Variants in RAB10 observed in about 807,000 individuals in gnomAD.
RAB10 encodes RAB10, member RAS oncogene family.
A neutral mutation model predicts 25.7 loss-of-function variants in RAB10; 5 were observed. The observed-to-expected ratio is 0.19, with a 90% CI of 0.10 to 0.41. The LOEUF (loss-of-function observed/expected upper bound fraction) is 0.41, where lower values mean the gene tolerates loss of function less well. Ranked by LOEUF, RAB10 falls within the 10% of genes least tolerant of loss-of-function variation. The pLI, the probability that RAB10 is intolerant of heterozygous loss-of-function variation, is 1.00. For missense variants in RAB10, 103 were observed against 245.8 expected (o/e 0.42, Z 3.89); for synonymous variants, 89 against 86.4 (o/e 1.03, Z -0.16).
At chr2:26,125,375 T>C (rs1242650154) in intron 3 of RAB10, among the ~76,000 whole-genome samples, 1 of 152,066 alleles carries the variant, frequency 6.6e-6, no homozygotes, top group Non-Finnish European at 1.5e-5. Context: ...TCTATTCATG[T>C]GCATATTGTT....
chr2:26,088,555 T>C (rs920234592), intron 1 of RAB10, among the ~76,000 whole-genome samples: 1 of 152,072 alleles, frequency 6.6e-6, no homozygotes, highest in Non-Finnish European at 1.5e-5. Context: ...CTATTGACTT[T>C]CCTCTCATCT....
rs375894538 is a variant in RAB10 at position 26,119,835 on chromosome 2, T to C, written c.328-7309T>C. ...TGCCCAGCAGGCTTACTTTCAAATA[T>C]ATTTTTGAGCTAGAATTATATTTAT... is the stretch of plus-strand genomic sequence containing the variant. On this transcript the variant is annotated intron_variant, in intron 3 of 5. Transcript: ENST00000264710. Among the ~76,000 whole-genome samples the C allele has an allele frequency of 3.6e-4, 55 of 152,332 alleles. No homozygotes were observed. In the South Asian group the frequency reaches 8.3e-3, roughly 23 times the overall value.
chr2:26,123,042 A>C (rs1667838010), intron 3 of RAB10, among the ~76,000 whole-genome samples: 1 of 152,140 alleles, frequency 6.6e-6, no homozygotes, highest in Admixed American at 6.5e-5. Flanking sequence ...CTTACGTATA[A>C]AGTTGCTAAC....
intron 1 of RAB10, among the ~76,000 whole-genome samples, chr2:26,065,783 C>G (rs1466627904): frequency 1.3e-5 from 2 of 152,118 alleles, no homozygotes; most frequent in East Asian, 3.9e-4. Context: ...AGTTCAGTTA[C>G]TATGTATATT....
chr2:26,051,494 TC>T (rs1281591123), intron 1 of RAB10, among the ~76,000 whole-genome samples: 1 of 150,090 alleles, frequency 6.7e-6, no homozygotes, highest in Non-Finnish European at 1.5e-5. Context: ...ACGCCTGTAA[TC>T]CCCACACTTT....
Position 26,034,252 on chromosome 2 carries a change from C to T in RAB10, c.-357C>T, listed in dbSNP as rs954187866. 6.0e-6 allele frequency: 3 copies of T among 502,944 alleles called. No individual in the cohort carries two copies. Among genetic ancestry groups the T allele is most frequent in the Non-Finnish European group, 1.1e-5 (3 of 282,924 alleles). The allele number at this position is 502,944 out of a possible 1,614,324, so 31.2% of individuals were successfully genotyped here. ...AGTTTCCGCTCGGGAGAGAGACTGT[C>T]CTCACGCCCGCTGCGCCTCCTCGAC... On this transcript the variant is annotated 5_prime_UTR_variant, in exon 1 of 6. Transcript: ENST00000264710.
In RAB10 at chr2:26,034,181, C is replaced by T. The variant is rs2149258727; in HGVS notation, c.-428C>T. The T allele has an allele frequency of 2.4e-6, 1 of 417,576 alleles. No individual in the cohort carries two copies. 25.9% of individuals were successfully genotyped at this position (417,576 alleles called of 1,614,324 possible). On this transcript the variant is annotated 5_prime_UTR_variant, in exon 1 of 6. Transcript: ENST00000264710. The stretch of plus-strand genomic sequence containing the variant: ...CCTGGGGCTATGTAACTGAGCTCGT[C>T]GACTTAGGGGTCCTTCTTCGCTGCC...
At chr2:26,075,935 A>T (rs1273868179) in intron 1 of RAB10, among the ~76,000 whole-genome samples, 1 of 152,136 alleles carries the variant, frequency 6.6e-6, no homozygotes, top group Non-Finnish European at 1.5e-5. Context: ...CCTGAGAGTC[A>T]TGGTGTTTGG....
chr2:26,034,205 C>A lies in RAB10; in HGVS notation c.-404C>A, dbSNP rs1232569667. ...TCGACTTAGGGGTCCTTCTTCGCTG[C>A]CCTCGCCGCGTGCTAGCAGGGAGTT... On this transcript the variant is annotated 5_prime_UTR_variant, in exon 1 of 6. Coordinates refer to ENST00000264710, the MANE Select transcript of RAB10 (RefSeq NM_016131.5). 2 of 430,284 alleles carry A rather than the reference C, an allele frequency of 4.6e-6. No individual in the cohort carries two copies. Among genetic ancestry groups the A allele is most frequent in the Admixed American group, 7.8e-5 (2 of 25,598 alleles). 26.7% of individuals were successfully genotyped at this position (430,284 alleles called of 1,614,324 possible).
At chr2:26,131,696 A>G (rs534090474) in intron 5 of RAB10, among the ~76,000 whole-genome samples, 2 of 152,266 alleles carry the variant, frequency 1.3e-5, no homozygotes, top group South Asian at 4.1e-4. Flanking sequence ...TGATGTAATT[A>G]ATTTATCAGT....
intron 3 of RAB10, among the ~76,000 whole-genome samples, chr2:26,117,071 G>C (rs746841046): frequency 2.0e-5 from 3 of 152,116 alleles, no homozygotes; most frequent in Non-Finnish European, 4.4e-5. Flanking sequence ...TCTGAAGCGT[G>C]TTCTACTTTT....
chr2:26,135,274 G>A lies in RAB10; in HGVS notation c.*253G>A, dbSNP rs905458838. The A allele has an allele frequency of 2.6e-6, 1 of 390,648 alleles. No individual in the cohort carries two copies. The allele number at this position is 390,648 out of a possible 1,614,324, so 24.2% of individuals were successfully genotyped here. A position where few individuals can be genotyped will look rare whatever the true frequency, so the allele number is the denominator to read the frequency against. Reference sequence around the variant, plus strand: ...TTAAATGTACTTGCTCAGCTCAACTGCATTTCAGTTGTATTATAGTCCAGT... The same window carrying A: ...TTAAATGTACTTGCTCAGCTCAACTACATTTCAGTTGTATTATAGTCCAGT... On this transcript the variant is annotated 3_prime_UTR_variant, in exon 6 of 6. Coordinates refer to ENST00000264710, the MANE Select transcript of RAB10 (RefSeq NM_016131.5).
chr2:26,124,389 C>CTTTTTTTTTTTTTTTTTTTTTTTTTT lies in RAB10; in HGVS notation c.328-2752_328-2727dup, dbSNP rs10669615. ...GTTGTTTTTCTTATTGTTGTTGTTGCTTTTTTTTTTTTTTTTTTTTTTTTT... is the reference window on the plus strand; with the variant it reads ...GTTGTTTTTCTTATTGTTGTTGTTGCTTTTTTTTTTTTTTTTTTTTTTTTTTTTTTTTTTTTTTTTTTTTTTTTTTT... On this transcript the variant is annotated intron_variant, in intron 3 of 5. Coordinates refer to ENST00000264710, the MANE Select transcript of RAB10 (RefSeq NM_016131.5). Among the ~76,000 whole-genome samples the CTTTTTTTTTTTTTTTTTTTTTTTTTT allele has an allele frequency of 4.1e-4, 8 of 19,678 alleles. 2 individuals are homozygous for CTTTTTTTTTTTTTTTTTTTTTTTTTT. The highest frequency in any genetic ancestry group is 6.0e-4 in the Non-Finnish European group (7 of 11,742). The allele number at this position is 19,678 out of a possible 152,430, so 12.9% of individuals were successfully genotyped here.
chr2:26,059,791 A>G (rs1666357686), intron 1 of RAB10, among the ~76,000 whole-genome samples: 1 of 152,216 alleles, frequency 6.6e-6, no homozygotes, highest in African/African-American at 2.4e-5. Context: ...TTTAATGGGT[A>G]TGGAGTTTCA....
intron 1 of RAB10, among the ~76,000 whole-genome samples, chr2:26,092,306 TG>T (rs1559590836): frequency 8.4e-4 from 41 of 48,876 alleles, no homozygotes; most frequent in Non-Finnish European, 1.3e-3. Context: ...TGTGTGTGTG[TG>T]TGTGTGTGTG....
At chr2:26,097,705 C>T (rs1667253609) in intron 1 of RAB10, among the ~76,000 whole-genome samples, 1 of 152,160 alleles carries the variant, frequency 6.6e-6, no homozygotes, top group East Asian at 1.9e-4. Context: ...CTGTATATGT[C>T]AGTTATGTCA....
At chr2:26,109,389 T>C (rs1667528646) in intron 2 of RAB10, among the ~76,000 whole-genome samples, 1 of 152,160 alleles carries the variant, frequency 6.6e-6, no homozygotes, top group Admixed American at 6.6e-5. Flanking sequence ...TTCTGTCTTA[T>C]TATTTATAAG....
At chr2:26,034,920 C>A (rs1665731475) in intron 1 of RAB10, among the ~76,000 whole-genome samples, 185 bp downstream of exon 1, 2 of 152,164 alleles carry the variant, frequency 1.3e-5, no homozygotes, top group Admixed American at 1.3e-4. Flanking sequence ...GATTTCCATC[C>A]GGTCTTTTGC....
intron 1 of RAB10, among the ~76,000 whole-genome samples, chr2:26,069,840 G>A (rs534767663): frequency 6.6e-6 from 1 of 151,974 alleles, no homozygotes; most frequent in South Asian, 2.1e-4. Flanking sequence ...CAAGTAGCTG[G>A]GACTACAGGC....
Sources: gnomAD v4.1 joint callset for allele counts (sites outside exome capture counted in the v4.1 genomes callset) on GRCh38, gnomAD v4.1.1 for gene constraint, MANE v1.5 for transcripts, NCBI Gene and HGNC (gene_info 2026-07-23, HGNC 2026-07-21) for gene names.